ZNF99: variants seen among roughly 807,000 people sequenced by gnomAD.
ZNF99 encodes the protein zinc finger protein 99, also known as zinc finger protein ENSP00000375192.
Under a neutral mutation model 12.8 loss-of-function variants are expected in ZNF99, and 8 were observed. That is an observed-to-expected ratio of 0.62 (90% confidence interval 0.37 to 1.13). ZNF99 has a LOEUF of 1.13. Ranked by LOEUF, ZNF99 falls within the 50% of genes most tolerant of loss-of-function variation. The probability of loss-of-function intolerance (pLI) is 0.02; values close to 1 mark genes in which losing one functional copy is unlikely to be tolerated. For synonymous variants in ZNF99, 318 were observed against 319.0 expected (o/e 1.00, Z 0.03); for missense variants, 1,007 against 1,006.2 (o/e 1.00, Z -0.01).
intron 1 of ZNF99, chr19:22,770,314 CGAG>C (rs970579414): frequency 5.1e-5 from 8 of 155,984 alleles, no homozygotes; most frequent in African/African-American, 2.0e-4. Flanking sequence ...TACTTAATAA[CGAG>C]GAGAAAAATA....
In ZNF99 at chr19:22,758,224, T is replaced by G. The variant is rs780153109; in HGVS notation, c.1685A>C (p.Lys562Thr). The change falls in exon 4 of 4, where the codon AAG becomes ACG. Residue 562 changes from lysine to threonine, a missense_variant. Transcript: ENST00000596209. ...LMKHKIIHTG[K>T]KPYKCEECGK... ...ACATTCTTCACATTTGTATGGTTTCTTCCCAGTATGAATTATCTTATGTTT... is the reference window on the plus strand; with the variant it reads ...ACATTCTTCACATTTGTATGGTTTCGTCCCAGTATGAATTATCTTATGTTT... 2 of 1,612,270 alleles carry G rather than the reference T, an allele frequency of 1.2e-6. No individual in the cohort carries two copies. Among genetic ancestry groups the G allele is most frequent in the Non-Finnish European group, 1.7e-6 (2 of 1,178,822 alleles).
intron 1 of ZNF99, among the ~76,000 whole-genome samples, chr19:22,782,381 G>C (rs1397762514): frequency 1.3e-5 from 2 of 151,298 alleles, no homozygotes; most frequent in East Asian, 3.9e-4. Flanking sequence ...TTTTAAGACA[G>C]TTTCGGTCTT....
chr19:22,760,884 T>TAAAA (rs5827535), intron 3 of ZNF99, among the ~76,000 whole-genome samples: 22 of 118,282 alleles, frequency 1.9e-4, no homozygotes, highest in African/African-American at 5.2e-4. Context: ...ATTCTTTATC[T>TAAAA]AAAAAAAAAA....
chr19:22,757,835 G>A lies in ZNF99; in HGVS notation c.2074C>T (p.Leu692Phe), dbSNP rs777392950. The A allele has an allele frequency of 1.2e-6, 2 of 1,611,450 alleles. No individual in the cohort carries two copies. The highest frequency in any genetic ancestry group is 2.2e-5 in the East Asian group (1 of 44,800). ...CGKAFNHFSA[L>F]RKHKIIHTGK... ...GTATGAATTATCTTATGTTTCCTAA[G>A]GGCTGAGAAATGGTTAAAAGCCTTG... is the stretch of plus-strand genomic sequence containing the variant. The change falls in exon 4 of 4, where the codon CTT (leucine) becomes TTT (phenylalanine). Residue 692 changes from leucine (L) to phenylalanine (F), a missense_variant. Leu to Phe is a conservative substitution (Grantham distance 22, BLOSUM62 0). Transcript: ENST00000596209.
Position 22,754,504 on chromosome 19 carries a change from TG to T in ZNF99, c.*2809del, listed in dbSNP as rs1448825545. The T allele has an allele frequency of 2.4e-6, 1 of 424,810 alleles. No homozygotes were observed. The highest frequency in any genetic ancestry group is 2.1e-5 in the African/African-American group (1 of 48,322). The allele number at this position is 424,810 out of a possible 1,614,324, so 26.3% of individuals were successfully genotyped here. On this transcript the variant is annotated 3_prime_UTR_variant, in exon 4 of 4. Coordinates refer to ENST00000596209, the MANE Select transcript of ZNF99 (RefSeq NM_001080409.3). The stretch of plus-strand genomic sequence containing the variant: ...CTTCATATTTATAAAATTTATCTTC[TG>T]TATGAATTCTCTTATATTTAGTATG...
Position 22,758,099 on chromosome 19 carries a change from G to C in ZNF99, c.1810C>G (p.His604Asp). ...KCEECGKAFN[H>D]FSALRKHQII... is the part of the protein sequence containing the mutation. ...TGATGTTTTCTAAGGGCTGAGAAGT[G>C]GTTAAAAGCTTTGCCACATTCTTCA... The change falls in exon 4 of 4, where the codon CAC (histidine) becomes GAC (aspartate). Residue 604 changes from histidine to aspartate, a missense_variant. By Grantham distance (81) the His-to-Asp change is moderately conservative. Transcript: ENST00000596209. The C allele has an allele frequency of 1.2e-6, 2 of 1,603,942 alleles. No homozygotes were observed. Among genetic ancestry groups the C allele is most frequent in the South Asian group, 2.2e-5 (2 of 90,512 alleles).
rs1257051634 is a variant in ZNF99 at position 22,754,860 on chromosome 19, G to A, written c.*2454C>T. 9 of 180,932 alleles carry A rather than the reference G, an allele frequency of 5.0e-5. No homozygotes were observed. The highest frequency in any genetic ancestry group is 2.2e-4 in the South Asian group (2 of 8,994). 11.2% of individuals were successfully genotyped at this position (180,932 alleles called of 1,614,324 possible). A position where few individuals can be genotyped will look rare whatever the true frequency, so the allele number is the denominator to read the frequency against. On this transcript the variant is annotated 3_prime_UTR_variant, in exon 4 of 4. Transcript: ENST00000596209. The stretch of plus-strand genomic sequence containing the variant: ...CGAGGCGGGCAGATCACCAGAGGTC[G>A]GGAGTTCGAGACCAGCTTGACCAAC...
At position 22,758,573 on chromosome 19, in the gene ZNF99, T is replaced by C; in HGVS notation, c.1336A>G (p.Ile446Val). Reference protein sequence around the residue: ...RFSALRKHKIIHTGKQPYKCE... With the variant: ...RFSALRKHKIVHTGKQPYKCE... ...TTGTAGGGTTGCTTTCCAGTATGAA[T>C]TATCTTATGTTTTCTAAGGGCTGAG... Residue 446 changes from isoleucine (I) to valine (V), a missense_variant, in exon 4 of 4, where the codon ATT (isoleucine) becomes GTT (valine). Transcript: ENST00000596209. 6.2e-7 allele frequency: 1 copy of C among 1,613,368 alleles called. No homozygotes were observed. Among genetic ancestry groups the C allele is most frequent in the Non-Finnish European group, 8.5e-7 (1 of 1,179,660 alleles).
intron 1 of ZNF99, 92 bp from the exon 2 acceptor site, chr19:22,769,416 G>T: frequency 7.2e-7 from 1 of 1,389,928 alleles, no homozygotes; most frequent in Non-Finnish European, 9.8e-7. Flanking sequence ...AGAGTAAAGA[G>T]AACAGGTTCT....
In ZNF99 at chr19:22,756,598, G is replaced by C. The variant is rs561180336; in HGVS notation, c.*716C>G. 6.3e-7 allele frequency: 1 copy of C among 1,599,696 alleles called. No homozygotes were observed. The highest frequency in any genetic ancestry group is 1.5e-5 in the African/African-American group (1 of 66,424). On this transcript the variant is annotated 3_prime_UTR_variant, in exon 4 of 4. Transcript: ENST00000596209. Reference sequence around the variant, plus strand: ...AGTAAGGTGTGAGGATTGCTTAAAAGCTTTGCCACATTCTTCACATTTGTA... The same window carrying C: ...AGTAAGGTGTGAGGATTGCTTAAAACCTTTGCCACATTCTTCACATTTGTA...
chr19:22,758,401 T>C lies in ZNF99; in HGVS notation c.1508A>G (p.His503Arg). The change falls in exon 4 of 4, where the codon CAT (histidine) becomes CGT (arginine). Residue 503 changes from histidine (H) to arginine (R), a missense_variant. His to Arg is a conservative substitution (Grantham distance 29). Coordinates refer to ENST00000596209, the MANE Select transcript of ZNF99 (RefSeq NM_001080409.3). ...SSKLTVHKVI[H>R]MEEKPCKCEE... is the part of the protein sequence containing the mutation. ...ACATTTGCAAGGTTTCTCTTCCATATGAATTACCTTATGTACAGTAAGTTT... is the reference window on the plus strand; with the variant it reads ...ACATTTGCAAGGTTTCTCTTCCATACGAATTACCTTATGTACAGTAAGTTT... 1.2e-6 allele frequency: 2 copies of C among 1,605,010 alleles called. No homozygotes were observed. The highest frequency in any genetic ancestry group is 1.7e-6 in the Non-Finnish European group (2 of 1,173,900).
In ZNF99 at chr19:22,754,079, G is replaced by C. The variant is rs987283541; in HGVS notation, c.*3235C>G. Reference sequence around the variant, plus strand: ...ATTAAAAACTTTGCCACATTCGACCGGGCTCAATGGCTCATGCTTGTAATC... The same window carrying C: ...ATTAAAAACTTTGCCACATTCGACCCGGCTCAATGGCTCATGCTTGTAATC... On this transcript the variant is annotated 3_prime_UTR_variant, in exon 4 of 4. Coordinates refer to ENST00000596209, the MANE Select transcript of ZNF99 (RefSeq NM_001080409.3). 1 of 454,900 alleles carries C rather than the reference G, an allele frequency of 2.2e-6. No homozygotes were observed. Among genetic ancestry groups the C allele is most frequent in the Non-Finnish European group, 4.4e-6 (1 of 226,600 alleles). 28.2% of individuals were successfully genotyped at this position (454,900 alleles called of 1,614,324 possible).
chr19:22,762,862 A>G (rs1347135558), intron 3 of ZNF99, among the ~76,000 whole-genome samples: 1 of 152,228 alleles, frequency 6.6e-6, no homozygotes, highest in Non-Finnish European at 1.5e-5. Context: ...TACACCACAT[A>G]AAAAGAAATA....
chr19:22,780,348 G>T (rs1568388961), intron 1 of ZNF99, among the ~76,000 whole-genome samples: 2 of 152,160 alleles, frequency 1.3e-5, no homozygotes, highest in African/African-American at 2.4e-5. Flanking sequence ...AGAAACAAAA[G>T]TATCTATTCT....
At position 22,758,792 on chromosome 19, in the gene ZNF99, C is replaced by A; in HGVS notation, c.1117G>T (p.Glu373Ter). ...AAATTGCTAAAAGCTTTGCCGCATT[C>A]TTCATATTTGTAGGGTTTCTCTTCA... ...HTEEKPYKYE[E>*]CGKAFSNLSA... Residue 373 changes from glutamate (E) to a stop codon, truncating the protein, a stop_gained, in exon 4 of 4, where the codon GAA (glutamate) becomes TAA (stop). Transcript: ENST00000596209. LOFTEE classifies it low-confidence loss of function (END_TRUNC). 6.2e-7 allele frequency: 1 copy of A among 1,604,090 alleles called. No homozygotes were observed. Among genetic ancestry groups the A allele is most frequent in the Non-Finnish European group, 8.5e-7 (1 of 1,173,672 alleles).
rs1972996054 is a variant in ZNF99, at chr19:22,753,251, T to G, written c.*4063A>C. On this transcript the variant is annotated 3_prime_UTR_variant, in exon 4 of 4. Coordinates refer to ENST00000596209, the MANE Select transcript of ZNF99 (RefSeq NM_001080409.3). ...TCTCCAAAAAATCACCTCCTCTTTT[T>G]TAAGTTATATGCAAATAACTTATCT... is the stretch of plus-strand genomic sequence containing the variant. The G allele has an allele frequency of 6.6e-6, 1 of 152,124 alleles. No individual in the cohort carries two copies. The highest frequency in any genetic ancestry group is 1.5e-5 in the Non-Finnish European group (1 of 67,986). The allele number at this position is 152,124 out of a possible 1,614,324, so 9.4% of individuals were successfully genotyped here.
rs2145135207 is a variant in ZNF99, at chr19:22,754,296, G to A, written c.*3018C>T. On this transcript the variant is annotated 3_prime_UTR_variant, in exon 4 of 4. Transcript: ENST00000596209. ...GCCAGAGAATCGCTTGAACCCAGGA[G>A]GCGGAGGTTGCAATGAACTGAGATT... is the stretch of plus-strand genomic sequence containing the variant. The A allele has an allele frequency of 2.3e-6, 1 of 430,896 alleles. No individual in the cohort carries two copies. The highest frequency in any genetic ancestry group is 1.6e-5 in the South Asian group (1 of 61,734). 26.7% of individuals were successfully genotyped at this position (430,896 alleles called of 1,614,324 possible). A position where few individuals can be genotyped will look rare whatever the true frequency, so the allele number is the denominator to read the frequency against.
rs80023198 is a variant in ZNF99, at chr19:22,781,019, C to G, written c.3+2995G>C. ...AATCACCCAACCATAAAAAACACAC[C>G]AGAGAAAATTCCTAAAGTCATTCTG... On this transcript the variant is annotated intron_variant, in intron 1 of 3. Coordinates refer to ENST00000596209, the MANE Select transcript of ZNF99 (RefSeq NM_001080409.3). 5.5e-3 allele frequency among the ~76,000 whole-genome samples: 839 copies of G among 152,198 alleles called. 9 individuals carry two copies. Among genetic ancestry groups the G allele is most frequent in the African/African-American group, 0.017 (699 of 41,506 alleles).
At chr19:22,770,998 G>C (rs1468253738) in intron 1 of ZNF99, 1 of 150,876 alleles carries the variant, frequency 6.6e-6, no homozygotes, top group East Asian at 2.0e-4. Context: ...GAGTGCAATG[G>C]TGCGATCTCA....
Sources: gnomAD v4.1 joint callset for allele counts (sites outside exome capture counted in the v4.1 genomes callset) on GRCh38, gnomAD v4.1.1 for gene constraint, MANE v1.5 for transcripts, NCBI Gene and HGNC (gene_info 2026-07-23, HGNC 2026-07-21) for gene names.